NELL1: variants seen among roughly 807,000 people sequenced by gnomAD.
NELL1 encodes the protein protein kinase C-binding protein NELL1.
In NELL1, 76 loss-of-function variants were observed where a neutral mutation model predicts 107.4. The ratio of observed to expected loss-of-function variants is 0.71; its 90% CI spans 0.59 to 0.86. The LOEUF is 0.86. NELL1 is among the 40% of genes least tolerant of loss of function. The probability of loss-of-function intolerance (pLI) is 0.00; values close to 1 mark genes in which losing one functional copy is unlikely to be tolerated. For synonymous variants in NELL1, 353 were observed against 341.2 expected, an observed-to-expected ratio of 1.03 and a Z score of -0.38; for missense variants, 1,024 against 1,005.5, an observed-to-expected ratio of 1.02 and a Z score of -0.25.
At chr11:21,491,958 C>A (rs927310752) in intron 15 of NELL1, among the ~76,000 whole-genome samples, 4 of 151,928 alleles carry the variant, frequency 2.6e-5, no homozygotes, top group East Asian at 1.9e-4. Flanking sequence ...CTCTTTGAAG[C>A]AACTGTGAAT....
intron 3 of NELL1, among the ~76,000 whole-genome samples, chr11:20,807,343 G>A (rs574423148): frequency 6.8e-4 from 103 of 152,310 alleles, no homozygotes; most frequent in African/African-American, 2.4e-3. Context: ...ATGAGATCTG[G>A]AGAATTCTCT....
At chr11:21,251,344 A>G (rs556164612) in intron 14 of NELL1, among the ~76,000 whole-genome samples, 1 of 152,254 alleles carries the variant, frequency 6.6e-6, no homozygotes, top group African/African-American at 2.4e-5. Context: ...TTCCCCCAAT[A>G]TAAAAGGAGA....
chr11:21,009,936 C>T (rs1446280929), intron 12 of NELL1, among the ~76,000 whole-genome samples: 3 of 123,370 alleles, frequency 2.4e-5, no homozygotes, highest in Non-Finnish European at 5.1e-5. Context: ...AGCACCCCCT[C>T]CCCCTCCCCC....
intron 3 of NELL1, among the ~76,000 whole-genome samples, chr11:20,786,371 A>T (rs971790432): frequency 6.6e-6 from 1 of 151,934 alleles, no homozygotes; most frequent in East Asian, 1.9e-4. Flanking sequence ...AGAAAAAAAA[A>T]GGCGGGGGGA....
chr11:21,286,672 G>T (rs1185292867), intron 14 of NELL1, among the ~76,000 whole-genome samples: 2 of 152,142 alleles, frequency 1.3e-5, no homozygotes, highest in African/African-American at 4.8e-5. Context: ...TGTTAAAGAT[G>T]GTCATTTTCA....
chr11:20,808,099 T>G (rs1230038959), intron 3 of NELL1, among the ~76,000 whole-genome samples: 1 of 152,202 alleles, frequency 6.6e-6, no homozygotes, highest in Non-Finnish European at 1.5e-5. Context: ...CTCTTTCCTC[T>G]GCTTTTCTCA....
intron 13 of NELL1, among the ~76,000 whole-genome samples, chr11:21,129,741 GC>G (rs1398701176): frequency 6.6e-6 from 1 of 152,164 alleles, no homozygotes; most frequent in Non-Finnish European, 1.5e-5. Flanking sequence ...AATGGTGGTT[GC>G]CACAGGCTGG....
intron 15 of NELL1, among the ~76,000 whole-genome samples, chr11:21,516,713 GGTCT>G (rs1247197507): frequency 6.7e-6 from 1 of 149,504 alleles, no homozygotes; most frequent in Non-Finnish European, 1.5e-5. Flanking sequence ...TTGTATACAT[GGTCT>G]GTCAATCACA....
intron 14 of NELL1, among the ~76,000 whole-genome samples, chr11:21,271,081 C>T (rs569634389): frequency 1.3e-5 from 2 of 151,908 alleles, no homozygotes; most frequent in Non-Finnish European, 2.9e-5. Context: ...CAAGCTTCCA[C>T]CTTAGGAAAC....
At chr11:21,085,839 C>T (rs551894655) in intron 12 of NELL1, among the ~76,000 whole-genome samples, 71 of 152,160 alleles carry the variant, frequency 4.7e-4, no homozygotes, top group African/African-American at 1.2e-3. Flanking sequence ...CTAAATGTAA[C>T]GGGAAAGCAA....
At chr11:21,220,701 T>C (rs1857734435) in intron 13 of NELL1, among the ~76,000 whole-genome samples, 2 of 152,184 alleles carry the variant, frequency 1.3e-5, no homozygotes, top group Admixed American at 1.3e-4. Flanking sequence ...ATGTACCCAT[T>C]TTTATGTGTT....
intron 13 of NELL1, among the ~76,000 whole-genome samples, chr11:21,117,386 TACTTAGAAC>T (rs1326060584): frequency 6.6e-6 from 1 of 152,028 alleles, no homozygotes; most frequent in Non-Finnish European, 1.5e-5. Context: ...ATACCTTGAC[TACTTAGAAC>T]ATTACCTGGC....
intron 12 of NELL1, among the ~76,000 whole-genome samples, chr11:21,098,005 G>C (rs1020968114): frequency 6.7e-6 from 1 of 149,618 alleles, no homozygotes; most frequent in African/African-American, 2.5e-5. Context: ...ACCCTGATCA[G>C]TTTGTAGTTT....
intron 15 of NELL1, among the ~76,000 whole-genome samples, chr11:21,393,429 G>A (rs2133786580): frequency 6.6e-6 from 1 of 151,608 alleles, no homozygotes; most frequent in East Asian, 2.0e-4. Flanking sequence ...TAGTTAAACT[G>A]CAAACAACGC....
chr11:21,281,287 G>A (rs1469449152), intron 14 of NELL1, among the ~76,000 whole-genome samples: 2 of 152,012 alleles, frequency 1.3e-5, no homozygotes, highest in East Asian at 3.9e-4. Context: ...AGAGGCTTAT[G>A]GTAATAGTGG....
At chr11:21,101,137 C>T (rs1319647928) in intron 12 of NELL1, among the ~76,000 whole-genome samples, 1 of 152,074 alleles carries the variant, frequency 6.6e-6, no homozygotes, top group East Asian at 1.9e-4. Flanking sequence ...TGGTTTCCAG[C>T]TTCATCCATG....
chr11:21,314,129 G>A (rs895709140), intron 14 of NELL1, among the ~76,000 whole-genome samples: 1 of 150,728 alleles, frequency 6.6e-6, no homozygotes, highest in Admixed American at 6.7e-5. Context: ...TTCCTATACA[G>A]CCTGCAGAAC....
intron 15 of NELL1, among the ~76,000 whole-genome samples, chr11:21,372,700 C>T (rs930458563): frequency 1.3e-5 from 2 of 151,680 alleles, no homozygotes; most frequent in South Asian, 2.1e-4. Context: ...GGTGGTTTCA[C>T]GAATCTGCAT....
At chr11:21,285,455 G>A (rs149560741) in intron 14 of NELL1, among the ~76,000 whole-genome samples, 51 of 152,266 alleles carry the variant, frequency 3.3e-4, no homozygotes, top group African/African-American at 1.2e-3. Flanking sequence ...CTAATAAATA[G>A]GACAACATAC....
Sources: gnomAD v4.1 joint callset for allele counts (sites outside exome capture counted in the v4.1 genomes callset) on GRCh38, gnomAD v4.1.1 for gene constraint, MANE v1.5 for transcripts, NCBI Gene and HGNC (gene_info 2026-07-23, HGNC 2026-07-21) for gene names.